The following CADM2 variants were observed in gnomAD, a reference collection of about 807,000 sequenced individuals.
CADM2 encodes cell adhesion molecule 2, also known as immunoglobulin superfamily member 4D.
In CADM2, 12 loss-of-function variants were observed where a neutral mutation model predicts 49.8. The observed-to-expected ratio is 0.24, with a 90% CI of 0.15 to 0.39. CADM2 has a LOEUF of 0.39. CADM2 is among the 10% of genes least tolerant of loss of function. The pLI, the probability that CADM2 is intolerant of heterozygous loss-of-function variation, is 1.00. For missense variants in CADM2, 378 were observed against 492.3 expected, an observed-to-expected ratio of 0.77 and a Z score of 2.20; for synonymous variants, 214 against 175.4, an observed-to-expected ratio of 1.22 and a Z score of -1.74.
intron 1 of CADM2, among the ~76,000 whole-genome samples, chr3:85,661,953 T>C (rs1219647094): frequency 6.6e-6 from 1 of 152,094 alleles, no homozygotes; most frequent in Non-Finnish European, 1.5e-5. Context: ...GTTATTATTC[T>C]CTCTTAGAGT....
intron 1 of CADM2, among the ~76,000 whole-genome samples, chr3:85,169,274 A>G (rs927216666): frequency 6.6e-6 from 1 of 152,106 alleles, no homozygotes; most frequent in African/African-American, 2.4e-5. Flanking sequence ...GATTACAGGC[A>G]TGAGCCACTG....
chr3:85,341,153 G>A (rs1039551205), intron 1 of CADM2, among the ~76,000 whole-genome samples: 1 of 151,212 alleles, frequency 6.6e-6, no homozygotes, highest in African/African-American at 2.4e-5. Context: ...AATAAATCAA[G>A]CATACGGAAT....
chr3:85,273,223 A>G (rs1165084182), intron 1 of CADM2, among the ~76,000 whole-genome samples: 1 of 151,372 alleles, frequency 6.6e-6, no homozygotes, highest in Non-Finnish European at 1.5e-5. Context: ...ATAGATCAGT[A>G]AGAAATAATA....
chr3:85,273,445 T>C (rs1043795568), intron 1 of CADM2, among the ~76,000 whole-genome samples: 1 of 151,390 alleles, frequency 6.6e-6, no homozygotes, highest in Non-Finnish European at 1.5e-5. Context: ...TAGGGAAAGA[T>C]GGTGGTGGCT....
At chr3:85,214,543 C>A (rs72913051) in intron 1 of CADM2, among the ~76,000 whole-genome samples, 2 of 151,924 alleles carry the variant, frequency 1.3e-5, no homozygotes, top group Admixed American at 6.6e-5. Flanking sequence ...CCCCACCCCC[C>A]AACCCTGGTC....
chr3:85,717,266 G>T (rs1420673968), intron 1 of CADM2, among the ~76,000 whole-genome samples: 2 of 152,084 alleles, frequency 1.3e-5, no homozygotes, highest in Admixed American at 1.3e-4. Context: ...AATTGTGAAT[G>T]GGACTTTGCT....
intron 1 of CADM2, among the ~76,000 whole-genome samples, chr3:85,053,275 GAATAT>G (rs1328176253): frequency 6.6e-6 from 1 of 151,992 alleles, no homozygotes; most frequent in East Asian, 1.9e-4. Context: ...GGATGAATAA[GAATAT>G]AATACACTGT....
At chr3:85,983,768 AC>A (rs1727747308) in intron 8 of CADM2, among the ~76,000 whole-genome samples, 1 of 149,002 alleles carries the variant, frequency 6.7e-6, no homozygotes, top group African/African-American at 2.5e-5. Flanking sequence ...AGCATATGGT[AC>A]CATTTATATC....
Position 85,886,351 on chromosome 3 carries a change from C to A in CADM2, c.529+24C>A. ...AGGTAAAGAATAGAAAAATGAAAAT[C>A]AAAATTAATGTGCTGAAACCAGTAT... On this transcript the variant is annotated intron_variant, in intron 5 of 9. Coordinates refer to ENST00000383699, the MANE Select transcript of CADM2 (RefSeq NM_001167675.2). 4 of 1,559,526 alleles carry A rather than the reference C, an allele frequency of 2.6e-6. No individual in the cohort carries two copies. In the South Asian group the frequency reaches 3.4e-5, roughly 13 times the overall value.
intron 1 of CADM2, among the ~76,000 whole-genome samples, chr3:85,228,182 T>C (rs2042203908): frequency 6.6e-6 from 1 of 152,120 alleles, no homozygotes; most frequent in African/African-American, 2.4e-5. Context: ...CCTTGCTAGG[T>C]TGGGTAAGTT....
At chr3:85,368,540 AT>A (rs1433457252) in intron 1 of CADM2, among the ~76,000 whole-genome samples, 1 of 150,074 alleles carries the variant, frequency 6.7e-6, no homozygotes, top group Admixed American at 6.7e-5. Context: ...ATATATTAAT[AT>A]ATACCTGAAT....
chr3:85,958,339 A>G (rs1577778079), intron 7 of CADM2, among the ~76,000 whole-genome samples: 2 of 152,038 alleles, frequency 1.3e-5, no homozygotes, highest in Non-Finnish European at 2.9e-5. Flanking sequence ...ACGCTTTTAT[A>G]CTGTTGGTGG....
chr3:85,392,270 A>C (rs1225079618), intron 1 of CADM2, among the ~76,000 whole-genome samples: 1 of 152,126 alleles, frequency 6.6e-6, no homozygotes. Flanking sequence ...TGATGTTCTT[A>C]CACCTGATAT....
rs370926705 is a variant in CADM2 at position 85,935,795 on chromosome 3, G to A, written c.729G>A (p.Ser243=). Reference sequence around the variant, plus strand: ...CACCATCAGTTAAGATTATACCATCGACTCCTTTTCCACAAGAAGGACAGC... The same window carrying A: ...CACCATCAGTTAAGATTATACCATCAACTCCTTTTCCACAAGAAGGACAGC... ...HYTPSVKIIP[S]TPFPQEGQPL... is the part of the protein sequence containing the mutation. Residue 243 remains serine (S), a synonymous_variant, in exon 7 of 10, where the codon TCG becomes TCA. Coordinates refer to ENST00000383699, the MANE Select transcript of CADM2 (RefSeq NM_001167675.2). 3.6e-5 allele frequency: 57 copies of A among 1,603,372 alleles called. No individual in the cohort carries two copies. The African/African-American group carries it at 6.4e-4, about 18-fold the overall frequency.
intron 1 of CADM2, among the ~76,000 whole-genome samples, chr3:85,322,659 A>AT (rs1298046930): frequency 4.6e-5 from 7 of 152,292 alleles, no homozygotes; most frequent in African/African-American, 1.7e-4. Flanking sequence ...TACATATGAT[A>AT]TTTTCAGCTT....
intron 8 of CADM2, among the ~76,000 whole-genome samples, chr3:85,982,893 TTTCA>T (rs1211470935): frequency 6.6e-6 from 1 of 151,724 alleles, no homozygotes; most frequent in African/African-American, 2.4e-5. Context: ...GGTTTACTTA[TTTCA>T]TTCCTTTATC....
intron 1 of CADM2, among the ~76,000 whole-genome samples, chr3:85,105,875 ATAGG>A (rs1330037082): frequency 1.3e-5 from 2 of 151,682 alleles, no homozygotes; most frequent in Non-Finnish European, 2.9e-5. Context: ...ATTCTGACTC[ATAGG>A]TGGGAATTGA....
At chr3:85,444,672 G>A (rs1171603707) in intron 1 of CADM2, among the ~76,000 whole-genome samples, 1 of 151,988 alleles carries the variant, frequency 6.6e-6, no homozygotes, top group East Asian at 1.9e-4. Flanking sequence ...TTATTATAGT[G>A]TCTGTCAACA....
intron 1 of CADM2, among the ~76,000 whole-genome samples, chr3:85,667,111 CATA>C (rs1288218468): frequency 6.6e-6 from 1 of 151,810 alleles, no homozygotes; most frequent in African/African-American, 2.4e-5. Flanking sequence ...CTGGTAAAAT[CATA>C]ATAAGAGCAG....
Sources: gnomAD v4.1 joint callset for allele counts (sites outside exome capture counted in the v4.1 genomes callset) on GRCh38, gnomAD v4.1.1 for gene constraint, MANE v1.5 for transcripts, NCBI Gene and HGNC (gene_info 2026-07-23, HGNC 2026-07-21) for gene names.